RBM47: variants seen among roughly 807,000 people sequenced by gnomAD.
The protein encoded by RBM47 is RNA-binding protein 47.
RBM47 carries 21 observed loss-of-function variants against 47.1 expected under a neutral mutation model. That is an observed-to-expected ratio of 0.45 (90% CI 0.32 to 0.64). RBM47 has a LOEUF of 0.64. RBM47 is among the 30% of genes least tolerant of loss of function. The pLI is 0.05. For synonymous variants in RBM47, 375 were observed against 361.7 expected (o/e 1.04, Z -0.42); for missense variants, 708 against 870.9 (o/e 0.81, Z 2.35).
intron 2 of RBM47, chr4:40,543,020 G>A (rs1728697777): frequency 6.6e-6 from 1 of 152,196 alleles, no homozygotes; most frequent in Non-Finnish European, 1.5e-5. Context: ...CACAGAGCCT[G>A]GCACATAGCA....
intron 2 of RBM47, among the ~76,000 whole-genome samples, chr4:40,527,498 C>A (rs1726863803): frequency 7.2e-6 from 1 of 139,296 alleles, no homozygotes; most frequent in African/African-American, 2.7e-5. Flanking sequence ...ACCATGTTGG[C>A]CAGGCTGGTC....
intron 2 of RBM47, among the ~76,000 whole-genome samples, chr4:40,540,652 AATAAT>A (rs57599005): frequency 0.024 from 1,864 of 77,650 alleles, 44 homozygotes; most frequent in African/African-American, 0.1. Context: ...AAAAAAAAAA[AATAAT>A]AATAATAATA....
intron 1 of RBM47, among the ~76,000 whole-genome samples, chr4:40,587,203 A>G (rs997785402): frequency 1.3e-5 from 2 of 151,992 alleles, no homozygotes; most frequent in Admixed American, 6.6e-5. Context: ...CAAGCGGGGG[A>G]AAACGGGAAG....
At chr4:40,450,969 G>A (rs945859976) in intron 3 of RBM47, among the ~76,000 whole-genome samples, 1 of 152,114 alleles carries the variant, frequency 6.6e-6, no homozygotes, top group African/African-American at 2.4e-5. Context: ...ACACATGGTA[G>A]GTACTTTTTA....
intron 2 of RBM47, among the ~76,000 whole-genome samples, chr4:40,507,118 G>A (rs1724208776): frequency 6.6e-6 from 1 of 151,758 alleles, no homozygotes; most frequent in Admixed American, 6.6e-5. Context: ...CACCACATCT[G>A]ACAAATTTGT....
rs1425019407 is a variant in RBM47 at position 40,436,585 on chromosome 4, A to C, written c.1186T>G (p.Ser396Ala). 6.2e-7 allele frequency: 1 copy of C among 1,614,164 alleles called. No individual in the cohort carries two copies. Among genetic ancestry groups the C allele is most frequent in the Admixed American group, 1.7e-5 (1 of 60,018 alleles). The change falls in exon 5 of 7, where the codon TCC becomes GCC. Residue 396 changes from serine (S) to alanine (A), a missense_variant. Physicochemically the swap from Ser to Ala is moderately conservative, Grantham distance 99 (BLOSUM62 1). Coordinates refer to ENST00000295971, the MANE Select transcript of RBM47 (RefSeq NM_001098634.2). ...AGNRAPGPRGSYLGGYSAGRG... is the reference protein window; with the variant it reads ...AGNRAPGPRGAYLGGYSAGRG... ...CCAGCAGAATATCCCCCGAGGTAGG[A>C]ACCCCTAGGCCCTGGGGCTCTGTTG...
intron 1 of RBM47, among the ~76,000 whole-genome samples, chr4:40,579,423 GAAAA>G (rs10653342): frequency 9.8e-6 from 1 of 102,010 alleles, no homozygotes; most frequent in African/African-American, 4.0e-5. Flanking sequence ...CCCTGTCTCA[GAAAA>G]AAAAAAAAAA....
At chr4:40,521,772 T>C (rs1377223293) in intron 2 of RBM47, among the ~76,000 whole-genome samples, 2 of 152,168 alleles carry the variant, frequency 1.3e-5, no homozygotes, top group African/African-American at 4.8e-5. Flanking sequence ...AATGATCAAA[T>C]TCAAGCTTTC....
At chr4:40,627,178 C>T (rs916453264) in intron 1 of RBM47, among the ~76,000 whole-genome samples, 5 of 152,168 alleles carry the variant, frequency 3.3e-5, no homozygotes, top group Admixed American at 1.3e-4. Context: ...GCAATATAAC[C>T]TGTAGCTTGG....
chr4:40,620,144 C>T (rs927707809), intron 1 of RBM47, among the ~76,000 whole-genome samples: 6 of 140,022 alleles, frequency 4.3e-5, no homozygotes, highest in African/African-American at 1.4e-4. Flanking sequence ...TGCAGTGAGC[C>T]AAGATCACAC....
intron 1 of RBM47, among the ~76,000 whole-genome samples, chr4:40,620,201 A>T (rs1294317824): frequency 1.1e-5 from 1 of 92,336 alleles, no homozygotes; most frequent in Non-Finnish European, 2.6e-5. Context: ...GTATGAAAAA[A>T]AAAAAAAAAA....
chr4:40,568,996 TAGATAGATA>T (rs1331831801), intron 1 of RBM47, among the ~76,000 whole-genome samples: 1 of 123,986 alleles, frequency 8.1e-6, no homozygotes, highest in Non-Finnish European at 1.8e-5. Context: ...GATAGATAGA[TAGATAGATA>T]GATAGATAGA....
At chr4:40,582,953 G>A (rs1216979637) in intron 1 of RBM47, among the ~76,000 whole-genome samples, 2 of 152,154 alleles carry the variant, frequency 1.3e-5, no homozygotes, top group East Asian at 1.9e-4. Context: ...TTCTGCTAGT[G>A]AATAAGCACC....
chr4:40,551,745 T>A (rs909552958), intron 1 of RBM47, among the ~76,000 whole-genome samples: 3 of 150,052 alleles, frequency 2.0e-5, no homozygotes, highest in Non-Finnish European at 4.4e-5. Context: ...GCCTCCCGGG[T>A]TCAAGTGATT....
At chr4:40,490,442 G>C (rs1411630707) in intron 2 of RBM47, among the ~76,000 whole-genome samples, 2 of 152,080 alleles carry the variant, frequency 1.3e-5, no homozygotes, top group African/African-American at 4.8e-5. Context: ...CAAGGTTGCA[G>C]GACATAAAAG....
chr4:40,498,450 G>A (rs1333134922), intron 2 of RBM47, among the ~76,000 whole-genome samples: 6 of 151,870 alleles, frequency 4.0e-5, no homozygotes, highest in South Asian at 2.1e-4. Flanking sequence ...TAATCCCTGC[G>A]GGGGGATCAC....
chr4:40,577,217 T>G (rs1051350030), intron 1 of RBM47, among the ~76,000 whole-genome samples: 4 of 152,156 alleles, frequency 2.6e-5, no homozygotes, highest in Non-Finnish European at 5.9e-5. Context: ...AGCCAAGAGA[T>G]GGATTGGGAC....
intron 2 of RBM47, among the ~76,000 whole-genome samples, chr4:40,509,882 CA>C (rs35409771): frequency 1.7e-4 from 21 of 126,586 alleles, no homozygotes; most frequent in Admixed American, 2.6e-4. Flanking sequence ...GACTCCGTCT[CA>C]AAAAAAAAAA....
chr4:40,620,453 C>T (rs1343299020), intron 1 of RBM47, among the ~76,000 whole-genome samples: 2 of 151,768 alleles, frequency 1.3e-5, no homozygotes, highest in East Asian at 1.9e-4. Context: ...TGCAGTGAGC[C>T]GAGATCATGC....
Sources: gnomAD v4.1 joint callset for allele counts (sites outside exome capture counted in the v4.1 genomes callset) on GRCh38, gnomAD v4.1.1 for gene constraint, MANE v1.5 for transcripts, NCBI Gene and HGNC (gene_info 2026-07-23, HGNC 2026-07-21) for gene names.